RAB11FIP4: variants seen among roughly 807,000 people sequenced by gnomAD.
The protein encoded by RAB11FIP4 is rab11 family-interacting protein 4.
RAB11FIP4 carries 23 observed loss-of-function variants against 74.3 expected under a neutral mutation model. That is an observed-to-expected ratio of 0.31 (90% CI 0.22 to 0.44). The LOEUF (loss-of-function observed/expected upper bound fraction) is 0.44. RAB11FIP4 is among the 20% of genes least tolerant of loss of function. The pLI is 1.00. For missense variants in RAB11FIP4, 630 were observed against 863.9 expected (o/e 0.73, Z 3.39); for synonymous variants, 360 against 359.9 (o/e 1.00, Z 0.00).
intron 3 of RAB11FIP4, among the ~76,000 whole-genome samples, chr17:31,447,971 C>T (rs779691588): frequency 2.0e-5 from 3 of 152,006 alleles, no homozygotes; most frequent in Non-Finnish European, 2.9e-5. Flanking sequence ...CAGGCATGCA[C>T]CCAGCTAATT....
At chr17:31,494,900 A>C (rs1234483794) in intron 3 of RAB11FIP4, among the ~76,000 whole-genome samples, 1 of 152,254 alleles carries the variant, frequency 6.6e-6, no homozygotes, top group Non-Finnish European at 1.5e-5. Context: ...CCGAGGTAAC[A>C]GACTTCTCCC....
intron 3 of RAB11FIP4, among the ~76,000 whole-genome samples, chr17:31,453,476 A>C (rs1360062968): frequency 1.3e-5 from 2 of 151,860 alleles, no homozygotes; most frequent in Non-Finnish European, 2.9e-5. Flanking sequence ...CGAACAAGGA[A>C]CTTAGCCTCC....
chr17:31,535,372 C>T lies in RAB11FIP4; in HGVS notation c.*3640C>T, dbSNP rs562577856. On this transcript the variant is annotated 3_prime_UTR_variant, in exon 15 of 15. Coordinates refer to ENST00000621161, the MANE Select transcript of RAB11FIP4 (RefSeq NM_032932.6). ...GGGGAGATTTGTAAGCTTCTGCTGT[C>T]TGGGCTGAACCCCCAGAGGTTCGGA... 8 of 151,888 alleles carry T rather than the reference C, an allele frequency of 5.3e-5. No homozygotes were observed. The highest frequency in any genetic ancestry group is 1.9e-4 in the African/African-American group (8 of 41,394). 9.4% of individuals were successfully genotyped at this position (151,888 alleles called of 1,614,324 possible).
chr17:31,522,576 A>G (rs1229002017), intron 7 of RAB11FIP4, 181 bp downstream of exon 7: 6 of 603,836 alleles, frequency 9.9e-6, no homozygotes, highest in Non-Finnish European at 1.2e-5. Flanking sequence ...AAGAGGGGCC[A>G]GCTCCTCCCT....
chr17:31,484,308 T>C (rs2071879756), intron 3 of RAB11FIP4, among the ~76,000 whole-genome samples: 1 of 151,496 alleles, frequency 6.6e-6, no homozygotes, highest in Non-Finnish European at 1.5e-5. Context: ...TGACCTCAGG[T>C]GATCTGCCCG....
At chr17:31,439,777 ATTTTTGTT>A (rs969756613) in intron 3 of RAB11FIP4, among the ~76,000 whole-genome samples, 22 of 152,106 alleles carry the variant, frequency 1.4e-4, no homozygotes, top group African/African-American at 5.3e-4. Flanking sequence ...CATCCAGCTA[ATTTTTGTT>A]TTTTTGTTTG....
chr17:31,478,356 A>G (rs1272002509), intron 3 of RAB11FIP4, among the ~76,000 whole-genome samples: 2 of 152,128 alleles, frequency 1.3e-5, no homozygotes, highest in East Asian at 3.8e-4. Context: ...AGCCTGGTGC[A>G]TTGTTTGCCC....
intron 3 of RAB11FIP4, among the ~76,000 whole-genome samples, chr17:31,440,395 A>G (rs2071396714): frequency 6.6e-6 from 1 of 152,222 alleles, no homozygotes; most frequent in Non-Finnish European, 1.5e-5. Flanking sequence ...CCTACTTTTA[A>G]GCCAAAACCA....
chr17:31,470,924 A>G (rs554820607), intron 3 of RAB11FIP4, among the ~76,000 whole-genome samples: 46 of 152,316 alleles, frequency 3.0e-4, no homozygotes, highest in Middle Eastern at 3.4e-3. Flanking sequence ...TAGTAGATGC[A>G]GTTTTCTGTA....
rs2072894526 is a variant in RAB11FIP4 at position 31,532,817 on chromosome 17, G to C, written c.*1085G>C. On this transcript the variant is annotated 3_prime_UTR_variant, in exon 15 of 15. Transcript: ENST00000621161. Reference sequence around the variant, plus strand: ...ACACCTGTATTTGATTCTCAGCCAGGGGAGCACTCGCTGCACTGGTGGGAG... The same window carrying C: ...ACACCTGTATTTGATTCTCAGCCAGCGGAGCACTCGCTGCACTGGTGGGAG... The C allele has an allele frequency of 6.6e-6, 1 of 152,172 alleles. No homozygotes were observed. Among genetic ancestry groups the C allele is most frequent in the African/African-American group, 2.4e-5 (1 of 41,424 alleles). 9.4% of individuals were successfully genotyped at this position (152,172 alleles called of 1,614,324 possible).
intron 3 of RAB11FIP4, among the ~76,000 whole-genome samples, chr17:31,466,033 A>G (rs1001073809): frequency 2.0e-5 from 3 of 149,752 alleles, no homozygotes; most frequent in South Asian, 2.1e-4. Context: ...AGTCCCAGCT[A>G]CTCGGGAGGG....
At chr17:31,463,613 C>T (rs1184332429) in intron 3 of RAB11FIP4, among the ~76,000 whole-genome samples, 2 of 152,110 alleles carry the variant, frequency 1.3e-5, no homozygotes, top group Admixed American at 6.6e-5. Context: ...AAGCGAATCT[C>T]CTGCCTCAGC....
At position 31,537,484 on chromosome 17, in the gene RAB11FIP4, C is replaced by T. The variant is rs2072985113; in HGVS notation, c.*5752C>T. On this transcript the variant is annotated 3_prime_UTR_variant, in exon 15 of 15. Coordinates refer to ENST00000621161, the MANE Select transcript of RAB11FIP4 (RefSeq NM_032932.6). ...ACTTTGTGTAAAGCAGCTTCTCCCA[C>T]AGAGCTTTCCCTGCATTGTTAGTGA... 1 of 321,718 alleles carries T rather than the reference C, an allele frequency of 3.1e-6. No individual in the cohort carries two copies. The highest frequency in any genetic ancestry group is 4.4e-5 in the East Asian group (1 of 22,588). The allele number at this position is 321,718 out of a possible 1,614,324, so 19.9% of individuals were successfully genotyped here.
At chr17:31,491,967 C>T (rs1330483796) in intron 3 of RAB11FIP4, among the ~76,000 whole-genome samples, 1 of 152,168 alleles carries the variant, frequency 6.6e-6, no homozygotes, top group Non-Finnish European at 1.5e-5. Context: ...GTTGCCACCA[C>T]ACGAATCAAA....
chr17:31,471,585 T>A (rs191274477), intron 3 of RAB11FIP4, among the ~76,000 whole-genome samples: 1 of 152,240 alleles, frequency 6.6e-6, no homozygotes, highest in East Asian at 1.9e-4. Flanking sequence ...AGCTGGGAAG[T>A]GGCGGAGCCC....
intron 3 of RAB11FIP4, among the ~76,000 whole-genome samples, chr17:31,480,089 C>T (rs1434252717): frequency 2.6e-5 from 4 of 152,112 alleles, no homozygotes; most frequent in Admixed American, 2.6e-4. Context: ...AGTTACTTGC[C>T]TTTAGCCAAT....
chr17:31,505,009 A>G (rs1355308598), intron 3 of RAB11FIP4, among the ~76,000 whole-genome samples: 1 of 152,220 alleles, frequency 6.6e-6, no homozygotes, highest in Non-Finnish European at 1.5e-5. Flanking sequence ...GGTAGAAGTT[A>G]GATCCTAAGG....
rs201355819 is a variant in RAB11FIP4 at position 31,528,615 on chromosome 17, C to T, written c.1495-5C>T. On this transcript the variant is annotated splice_region_variant and splice_polypyrimidine_tract_variant and intron_variant, in intron 12 of 14. Transcript: ENST00000621161. ...CTCCTGCCAACCTGCTTCTCTCCCT[C>T]GCAGCTCATCGAGGACTTGCGGAAG... 7 of 1,613,376 alleles carry T rather than the reference C, an allele frequency of 4.3e-6. No individual in the cohort carries two copies. The highest frequency in any genetic ancestry group is 1.7e-5 in the Admixed American group (1 of 60,014).
At chr17:31,501,488 C>T (rs376526706) in intron 3 of RAB11FIP4, among the ~76,000 whole-genome samples, 8 of 152,122 alleles carry the variant, frequency 5.3e-5, no homozygotes, top group South Asian at 2.1e-4. Flanking sequence ...TTATGTCCCA[C>T]GCAATTTATT....
Sources: gnomAD v4.1 joint callset for allele counts (sites outside exome capture counted in the v4.1 genomes callset) on GRCh38, gnomAD v4.1.1 for gene constraint, MANE v1.5 for transcripts, NCBI Gene and HGNC (gene_info 2026-07-23, HGNC 2026-07-21) for gene names.